Variants in SMG6 observed in about 807,000 individuals in gnomAD.
SMG6 encodes the protein telomerase-binding protein EST1A.
SMG6 carries 66 observed loss-of-function variants against 142.2 expected under a neutral mutation model. The ratio of observed to expected loss-of-function variants is 0.46; its 90% CI spans 0.38 to 0.57. The LOEUF is 0.57. Among genes scored for constraint, SMG6 ranks in the 20% least tolerant of loss-of-function variants. SMG6 has a pLI of 0.00. For synonymous variants in SMG6, 779 were observed against 702.4 expected (o/e 1.11, Z -1.72); for missense variants, 1,793 against 1,832.0 (o/e 0.98, Z 0.39).
intron 13 of SMG6, among the ~76,000 whole-genome samples, chr17:2,124,942 A>T (rs1360401430): frequency 6.6e-6 from 1 of 152,220 alleles, no homozygotes; most frequent in African/African-American, 2.4e-5. Flanking sequence ...TTCCCATGAG[A>T]ACCCCATCAG....
At chr17:2,277,157 ATTTATTTATTTTTTATTTTT>A (rs1428521976) in intron 8 of SMG6, among the ~76,000 whole-genome samples, 1 of 97,070 alleles carries the variant, frequency 1.0e-5, no homozygotes, top group African/African-American at 4.2e-5. Flanking sequence ...TTATTTATTT[ATTTATTTATTTTTTATTTTT>A]TTTTTTTTTG....
At chr17:2,221,265 G>A (rs1418409187) in intron 10 of SMG6, among the ~76,000 whole-genome samples, 1 of 152,136 alleles carries the variant, frequency 6.6e-6, no homozygotes, top group Non-Finnish European at 1.5e-5. Context: ...GGTTTCTGAT[G>A]GTTTAGCACC....
chr17:2,112,548 T>A (rs1473964783), intron 13 of SMG6, among the ~76,000 whole-genome samples: 4 of 147,884 alleles, frequency 2.7e-5, no homozygotes, highest in African/African-American at 9.8e-5. Flanking sequence ...AATAAATAAA[T>A]AAATAAATAA....
rs1480112292 is a variant in SMG6, at chr17:2,286,922, AATTTTT to A, written c.2338-3193_2338-3188del. Among the ~76,000 whole-genome samples the A allele has an allele frequency of 1.1e-3, 159 of 138,784 alleles. 3 individuals are homozygous for A. Among genetic ancestry groups the A allele is most frequent in the Admixed American group, 8.4e-4 (11 of 13,082 alleles). 91.0% of individuals were successfully genotyped at this position (138,784 alleles called of 152,430 possible). On this transcript the variant is annotated intron_variant, in intron 6 of 18. Transcript: ENST00000263073. ...ATCTTGACAACACAAAACATAAAATAATTTTTTTTTTTTTTTTTTTTTTTTTTGAGA... is the reference window on the plus strand; with the variant it reads ...ATCTTGACAACACAAAACATAAAATATTTTTTTTTTTTTTTTTTTTTGAGA...
At chr17:2,092,320 C>G (rs9906546) in intron 13 of SMG6, among the ~76,000 whole-genome samples, 92,214 of 151,656 alleles carry the variant, frequency 0.61, 28,582 homozygotes, top group African/African-American at 0.68. Flanking sequence ...GCTGAAGGGT[C>G]ATTGGGTCAC....
At chr17:2,288,315 A>G (rs1046768228) in intron 6 of SMG6, among the ~76,000 whole-genome samples, 1 of 150,368 alleles carries the variant, frequency 6.7e-6, no homozygotes, top group Non-Finnish European at 1.5e-5. Flanking sequence ...CTCCATCACA[A>G]AAAAAAGAAA....
At chr17:2,075,801 C>G (rs540285270) in intron 15 of SMG6, among the ~76,000 whole-genome samples, 1 of 152,346 alleles carries the variant, frequency 6.6e-6, no homozygotes, top group East Asian at 1.9e-4. Flanking sequence ...TGGGCTGAGC[C>G]GGAGAGTGTG....
chr17:2,253,040 T>C (rs1314480907), intron 8 of SMG6, among the ~76,000 whole-genome samples: 2 of 152,168 alleles, frequency 1.3e-5, no homozygotes, highest in East Asian at 3.8e-4. Context: ...ATATTGTCAG[T>C]GGCTGCTTTC....
chr17:2,262,791 T>C (rs1201693862), intron 8 of SMG6, among the ~76,000 whole-genome samples: 1 of 152,180 alleles, frequency 6.6e-6, no homozygotes, highest in Non-Finnish European at 1.5e-5. Context: ...ATCACTTACT[T>C]TTCTGTGTGC....
At chr17:2,180,380 A>G (rs1157705634) in intron 12 of SMG6, among the ~76,000 whole-genome samples, 1 of 152,216 alleles carries the variant, frequency 6.6e-6, no homozygotes, top group African/African-American at 2.4e-5. Flanking sequence ...GGGATTATGA[A>G]GCCATTCTGT....
chr17:2,297,114 C>A, intron 4 of SMG6, 129 bp downstream of exon 4: 1 of 548,050 alleles, frequency 1.8e-6, no homozygotes, highest in Non-Finnish European at 3.2e-6. Context: ...TTTAATCTAT[C>A]TGTCCCTGCA....
chr17:2,109,883 G>C (rs1036482904), intron 13 of SMG6, among the ~76,000 whole-genome samples: 1 of 151,974 alleles, frequency 6.6e-6, no homozygotes, highest in African/African-American at 2.4e-5. Flanking sequence ...CCTGAGCTCA[G>C]GAGTTCAAGA....
intron 13 of SMG6, among the ~76,000 whole-genome samples, chr17:2,090,366 G>T (rs543657675): frequency 6.6e-6 from 1 of 152,076 alleles, no homozygotes; most frequent in East Asian, 1.9e-4. Flanking sequence ...AAGAGAGAAC[G>T]GGAACTAAGC....
intron 13 of SMG6, among the ~76,000 whole-genome samples, chr17:2,100,934 G>A (rs2068990394): frequency 6.6e-6 from 1 of 152,044 alleles, no homozygotes; most frequent in South Asian, 2.1e-4. Flanking sequence ...TTACAGGTGT[G>A]GGCCACAGCA....
chr17:2,121,578 CAT>C (rs1491153503), intron 13 of SMG6, among the ~76,000 whole-genome samples: 12 of 58,536 alleles, frequency 2.1e-4, no homozygotes, highest in African/African-American at 9.4e-4. Flanking sequence ...TATATATGTA[CAT>C]GTCTGTCTGT....
chr17:2,299,380 G>A lies in SMG6; in HGVS notation c.1373C>T (p.Pro458Leu). 6.2e-7 allele frequency: 1 copy of A among 1,613,972 alleles called. No homozygotes were observed. The highest frequency in any genetic ancestry group is 8.5e-7 in the Non-Finnish European group (1 of 1,180,036). Residue 458 changes from proline (P) to leucine (L), a missense_variant, in exon 2 of 19, where the codon CCA becomes CTA. Physicochemically the swap from Pro to Leu is moderately conservative, Grantham distance 98. Coordinates refer to ENST00000263073, the MANE Select transcript of SMG6 (RefSeq NM_017575.5). The surrounding 1 kb of genome is among the most constrained non-coding windows in gnomAD (Gnocchi z 4.3). ...RGGTTRRLWD[P>L]NNPDQKPALK... Reference sequence around the variant, plus strand: ...AGCAGGTTTCTGATCAGGATTGTTTGGGTCCCACAATCGGCGTGTGGTGCC... The same window carrying A: ...AGCAGGTTTCTGATCAGGATTGTTTAGGTCCCACAATCGGCGTGTGGTGCC...
Position 2,085,913 on chromosome 17 carries a change from G to C in SMG6, c.3358-12C>G. On this transcript the variant is annotated splice_polypyrimidine_tract_variant and intron_variant, in intron 13 of 18. Transcript: ENST00000263073. This position sits in a 1 kb window ranked among gnomAD's most constrained non-coding sequence, Gnocchi z 4.1. ...TCAGCTGCAATAACCTACAGGGTGA[G>C]AGGGAGAGAAGAAAAACAGCATTTT... 1 of 1,612,296 alleles carries C rather than the reference G, an allele frequency of 6.2e-7. No individual in the cohort carries two copies. Among genetic ancestry groups the C allele is most frequent in the East Asian group, 2.2e-5 (1 of 44,880 alleles).
At chr17:2,249,430 G>A (rs2073999637) in intron 8 of SMG6, among the ~76,000 whole-genome samples, 1 of 152,168 alleles carries the variant, frequency 6.6e-6, no homozygotes. Flanking sequence ...AAAGTGCTAA[G>A]ATTATAGGCG....
intron 10 of SMG6, among the ~76,000 whole-genome samples, chr17:2,233,768 C>T (rs1214074446): frequency 6.6e-6 from 1 of 151,774 alleles, no homozygotes; most frequent in African/African-American, 2.4e-5. Context: ...GACTCATGTG[C>T]TGGGAAATGG....
Sources: allele counts gnomAD v4.1 joint callset (sites outside exome capture counted in the v4.1 genomes callset), GRCh38; gene constraint gnomAD v4.1.1; non-coding constraint Gnocchi (gnomAD v3.1); transcripts MANE v1.5; gene names NCBI Gene and HGNC (gene_info 2026-07-23, HGNC 2026-07-21).